Variants in ULK2 observed in about 807,000 individuals in gnomAD.
ULK2 encodes unc-51 like autophagy activating kinase 2.
ULK2 carries 76 observed loss-of-function variants against 127.5 expected under a neutral mutation model. That is an observed-to-expected ratio of 0.60 (90% CI 0.50 to 0.72). The LOEUF (loss-of-function observed/expected upper bound fraction) is 0.72, where lower values mean the gene tolerates loss of function less well. ULK2 is among the 30% of genes least tolerant of loss of function. The pLI is 0.00. For missense variants in ULK2, 1,144 were observed against 1,295.9 expected (o/e 0.88, Z 1.80); for synonymous variants, 452 against 461.9 (o/e 0.98, Z 0.28).
chr17:19,856,819 A>G (rs2042139851), intron 3 of ULK2, among the ~76,000 whole-genome samples: 1 of 149,892 alleles, frequency 6.7e-6, no homozygotes, highest in Non-Finnish European at 1.5e-5. Context: ...AAAAAATACA[A>G]AAACAAAATT....
In ULK2 at chr17:19,786,071, C is replaced by T. The variant is rs200031285; in HGVS notation, c.2117G>A (p.Cys706Tyr). 1.9e-6 allele frequency: 3 copies of T among 1,563,230 alleles called. No individual in the cohort carries two copies. The highest frequency in any genetic ancestry group is 2.4e-5 in the South Asian group (2 of 82,866). Residue 706 changes from cysteine (C) to tyrosine (Y), a missense_variant, in exon 21 of 27, where the codon TGT becomes TAT. This residue lies in a region of ULK2 where 913 missense variants were observed against 970.5 expected (regional missense o/e 0.94). Transcript: ENST00000395544. Reference sequence around the variant, plus strand: ...TGCAGGAGGTGCCAGAACACCACCACAGGCTCCTGCCGGAGCTACAACAAA... The same window carrying T: ...TGCAGGAGGTGCCAGAACACCACCATAGGCTCCTGCCGGAGCTACAACAAA... Reference protein sequence around the residue: ...RPMDIAPAGACGGVLAPPAGT... With the variant: ...RPMDIAPAGAYGGVLAPPAGT...
chr17:19,807,925 C>T (rs976873270), intron 14 of ULK2, among the ~76,000 whole-genome samples: 4 of 151,818 alleles, frequency 2.6e-5, no homozygotes, highest in East Asian at 1.9e-4. Context: ...ACCAACATGG[C>T]GAAACCCCGT....
rs2041003050 is a variant in ULK2 at position 19,816,872 on chromosome 17, G to T, written c.973C>A (p.Pro325Thr). 6.2e-7 allele frequency: 1 copy of T among 1,610,802 alleles called. No homozygotes were observed. Among genetic ancestry groups the T allele is most frequent in the Non-Finnish European group, 8.5e-7 (1 of 1,179,068 alleles). The change falls in exon 13 of 27, where the codon CCA becomes ACA. Residue 325 changes from proline (P) to threonine (T), a missense_variant. Pro to Thr is a conservative substitution (Grantham distance 38). Coordinates refer to ENST00000395544, the MANE Select transcript of ULK2 (RefSeq NM_014683.4). ...HIQEENLSSPPLGPPNYLQVS... is the reference protein window; with the variant it reads ...HIQEENLSSPTLGPPNYLQVS... ...TGTAGATAGTTGGGAGGACCCAATG[G>T]TGGGGAAGATAAGTTTTCTTCCTGA... is the stretch of plus-strand genomic sequence containing the variant.
chr17:19,836,366 G>A (rs146553144), intron 10 of ULK2, among the ~76,000 whole-genome samples: 136 of 152,090 alleles, frequency 8.9e-4, no homozygotes, highest in East Asian at 5.4e-3. Flanking sequence ...CCGAGATCGC[G>A]CCACTGCACT....
intron 12 of ULK2, among the ~76,000 whole-genome samples, chr17:19,823,802 A>T (rs1480401344): frequency 6.6e-6 from 1 of 152,186 alleles, no homozygotes; most frequent in African/African-American, 2.4e-5. Context: ...ACATAACATA[A>T]GTCTTATTAA....
chr17:19,833,420 G>A lies in ULK2; in HGVS notation c.787+5081C>T, dbSNP rs149498936. On this transcript the variant is annotated intron_variant, in intron 10 of 26. Coordinates refer to ENST00000395544, the MANE Select transcript of ULK2 (RefSeq NM_014683.4). ...TCTGTCGCCCATTTTTAAAAGTAGA[G>A]AAAGCCAGCCAGGCACAGTGGCTCA... 8.5e-3 allele frequency among the ~76,000 whole-genome samples: 1,278 copies of A among 151,046 alleles called. 7 individuals are homozygous for A. Among genetic ancestry groups the A allele is most frequent in the Non-Finnish European group, 0.014 (953 of 67,764 alleles).
intron 25 of ULK2, among the ~76,000 whole-genome samples, chr17:19,777,944 A>C (rs1265163542): frequency 6.6e-6 from 1 of 152,216 alleles, no homozygotes; most frequent in Non-Finnish European, 1.5e-5. Context: ...TGGTATTCAG[A>C]GGTATGCTTC....
intron 2 of ULK2, 33 bp downstream of exon 2, chr17:19,865,703 C>G (rs756586259): frequency 7.9e-7 from 1 of 1,272,418 alleles, no homozygotes; most frequent in African/African-American, 1.6e-5. Context: ...AAGTTTTAAC[C>G]TTATATGAAT....
At chr17:19,817,439 C>G (rs2152390628) in intron 12 of ULK2, among the ~76,000 whole-genome samples, 1 of 152,204 alleles carries the variant, frequency 6.6e-6, no homozygotes, top group Non-Finnish European at 1.5e-5. Flanking sequence ...GCACTTAAGA[C>G]CAGAAATGTA....
chr17:19,829,053 G>C (rs2041364607), intron 10 of ULK2, among the ~76,000 whole-genome samples: 1 of 151,698 alleles, frequency 6.6e-6, no homozygotes, highest in African/African-American at 2.4e-5. Flanking sequence ...GGGTGAAAGT[G>C]TAAGACTCCA....
chr17:19,794,922 C>A (rs1280362984), intron 20 of ULK2, among the ~76,000 whole-genome samples: 1 of 151,798 alleles, frequency 6.6e-6, no homozygotes, highest in African/African-American at 2.4e-5. Flanking sequence ...ACTAAAAATA[C>A]AAAAAAATTA....
At chr17:19,861,964 T>C (rs2042251510) in intron 3 of ULK2, among the ~76,000 whole-genome samples, 1 of 152,242 alleles carries the variant, frequency 6.6e-6, no homozygotes, top group African/African-American at 2.4e-5. Flanking sequence ...TCAAAAATTT[T>C]AACACTGTGC....
At chr17:19,796,369 T>C (rs933864745) in intron 18 of ULK2, 87 bp from the exon 19 acceptor site, 47 of 1,231,352 alleles carry the variant, frequency 3.8e-5, no homozygotes, top group Non-Finnish European at 5.0e-5. Context: ...TGTGACCCAG[T>C]AGTCAGGAGC....
At chr17:19,817,616 G>A (rs560352221) in intron 12 of ULK2, among the ~76,000 whole-genome samples, 266 of 152,218 alleles carry the variant, frequency 1.7e-3, no homozygotes, top group Non-Finnish European at 3.0e-3. Context: ...ATCTTTTGTC[G>A]TTTATCTAGT....
In ULK2 at chr17:19,786,068, C is replaced by A; in HGVS notation, c.2120G>T (p.Gly707Val). ...PMDIAPAGAC[G>V]GVLAPPAGTA... ...ACCTGCAGGAGGTGCCAGAACACCA[C>A]CACAGGCTCCTGCCGGAGCTACAAC... Residue 707 changes from glycine to valine, a missense_variant, in exon 21 of 27, where the codon GGT (glycine) becomes GTT (valine). Physicochemically the swap from Gly to Val is moderately radical, Grantham distance 109. Transcript: ENST00000395544. 1.9e-6 allele frequency: 3 copies of A among 1,564,612 alleles called. No homozygotes were observed. Among genetic ancestry groups the A allele is most frequent in the Non-Finnish European group, 2.6e-6 (3 of 1,162,684 alleles).
chr17:19,775,044 A>T lies in ULK2; in HGVS notation c.*1305T>A, dbSNP rs913218238. 7 of 152,668 alleles carry T rather than the reference A, an allele frequency of 4.6e-5. No homozygotes were observed. Among genetic ancestry groups the T allele is most frequent in the Non-Finnish European group, 1.5e-5 (1 of 68,048 alleles). The allele number at this position is 152,668 out of a possible 1,614,324, so 9.5% of individuals were successfully genotyped here. A position where few individuals can be genotyped will look rare whatever the true frequency, so the allele number is the denominator to read the frequency against. ...CATTAAAATTAGATTAATGCCAAAG[A>T]GCTCTGTGCAATTTGTCAAAGAGTT... is the stretch of plus-strand genomic sequence containing the variant. On this transcript the variant is annotated 3_prime_UTR_variant, in exon 27 of 27. Transcript: ENST00000395544.
chr17:19,794,129 T>C (rs1022720512), intron 20 of ULK2, among the ~76,000 whole-genome samples: 2 of 152,068 alleles, frequency 1.3e-5, no homozygotes, highest in East Asian at 1.9e-4. Flanking sequence ...ATCAGTGAGA[T>C]TGAAGATATG....
intron 2 of ULK2, among the ~76,000 whole-genome samples, chr17:19,865,244 T>C (rs2042328060): frequency 6.6e-6 from 1 of 152,166 alleles, no homozygotes; most frequent in Admixed American, 6.5e-5. Context: ...CAAGAAGTAT[T>C]TAGTAAATGG....
chr17:19,774,194 G>A lies in ULK2; in HGVS notation c.*2155C>T, dbSNP rs757466316. On this transcript the variant is annotated 3_prime_UTR_variant, in exon 27 of 27. Coordinates refer to ENST00000395544, the MANE Select transcript of ULK2 (RefSeq NM_014683.4). ...ATTTGTTTATTATTGCTATACTCAA[G>A]GCAAAATCTCTTAATTAGCCTTGAT... The A allele has an allele frequency of 2.6e-4, 40 of 152,590 alleles. No individual in the cohort carries two copies. Among genetic ancestry groups the A allele is most frequent in the Non-Finnish European group, 5.0e-4 (34 of 68,040 alleles). The allele number at this position is 152,590 out of a possible 1,614,324, so 9.5% of individuals were successfully genotyped here.
Sources: allele counts gnomAD v4.1 joint callset (sites outside exome capture counted in the v4.1 genomes callset), GRCh38; gene constraint gnomAD v4.1.1; regional missense constraint gnomAD v4.1.1; transcripts MANE v1.5; gene names NCBI Gene and HGNC (gene_info 2026-07-23, HGNC 2026-07-21).